DENND2B: variants seen among roughly 807,000 people sequenced by gnomAD.
DENND2B encodes DENN domain-containing protein 2B.
A neutral mutation model predicts 116.0 loss-of-function variants in DENND2B; 32 were observed. That is an observed-to-expected ratio of 0.28 (90% CI 0.21 to 0.37). The LOEUF (loss-of-function observed/expected upper bound fraction) is 0.37. Among genes scored for constraint, DENND2B ranks in the 10% least tolerant of loss-of-function variants. The pLI is 1.00. For missense variants in DENND2B, 1,276 were observed against 1,477.7 expected, an observed-to-expected ratio of 0.86 and a Z score of 2.24; for synonymous variants, 588 against 583.9, an observed-to-expected ratio of 1.01 and a Z score of -0.10.
intron 1 of DENND2B, among the ~76,000 whole-genome samples, chr11:8,763,089 A>G (rs2054981643): frequency 6.6e-6 from 1 of 152,224 alleles, no homozygotes; most frequent in African/African-American, 2.4e-5. Flanking sequence ...AGTAGAACAG[A>G]TACTTCACCA....
chr11:8,830,418 A>G (rs2062158392), intron 4 of DENND2B, among the ~76,000 whole-genome samples: 1 of 152,242 alleles, frequency 6.6e-6, no homozygotes, highest in South Asian at 2.1e-4. Context: ...CAACACAGTT[A>G]AGATCTTGGA....
rs1241489736 is a variant in DENND2B, at chr11:8,849,430, T to C, written c.-156+7913A>G. Among the ~76,000 whole-genome samples the C allele has an allele frequency of 2.4e-5, 3 of 126,702 alleles. No homozygotes were observed. The South Asian group carries it at 7.7e-4, about 33-fold the overall frequency. The allele number at this position is 126,702 out of a possible 152,430, so 83.1% of individuals were successfully genotyped here. A position where few individuals can be genotyped will look rare whatever the true frequency, so the allele number is the denominator to read the frequency against. ...ATCACCTGAACCTGGGAGGTGGAGG[T>C]TGCCATGAGCCGAGATCACACCATT... On this transcript the variant is annotated intron_variant, in intron 3 of 6. Coordinates refer to the DENND2B transcript ENST00000524757.
chr11:8,816,140 G>A (rs1254721442), intron 4 of DENND2B, among the ~76,000 whole-genome samples: 1 of 152,162 alleles, frequency 6.6e-6, no homozygotes, highest in African/African-American at 2.4e-5. Context: ...ATCTTAGAAT[G>A]CCTAAGAAAT....
chr11:8,897,102 T>TTA (rs1767133416), intron 1 of DENND2B, among the ~76,000 whole-genome samples: 2 of 150,460 alleles, frequency 1.3e-5, no homozygotes, highest in Non-Finnish European at 3.0e-5. Context: ...TTTTTTTTTT[T>TTA]AAAAACTAGC....
intron 2 of DENND2B, among the ~76,000 whole-genome samples, chr11:8,739,879 A>G (rs1464526841): frequency 1.3e-5 from 2 of 152,258 alleles, no homozygotes; most frequent in Non-Finnish European, 2.9e-5. Context: ...GGAAAGAGAA[A>G]TAAATTTAAA....
intron 1 of DENND2B, among the ~76,000 whole-genome samples, chr11:8,889,141 G>A (rs974127234): frequency 2.0e-5 from 3 of 152,174 alleles, no homozygotes; most frequent in Non-Finnish European, 4.4e-5. Context: ...GTTCATAGCA[G>A]CATTATTTGC....
At position 8,801,865 on chromosome 11, in the gene DENND2B, G is replaced by A. The variant is rs562665563; in HGVS notation, c.-26+8652C>T. ...AAAAAATTATAAAAATCAGCCAGGT[G>A]TGGTGCACATTTGTTACTCCAGAGG... On this transcript the variant is annotated intron_variant, in intron 1 of 19. Transcript: ENST00000313726. Among the ~76,000 whole-genome samples, 24 of 151,730 alleles carry A rather than the reference G, an allele frequency of 1.6e-4. 1 individual carries two copies. Among genetic ancestry groups the A allele is most frequent in the Non-Finnish European group, 2.9e-4 (20 of 67,920 alleles).
rs2042857683 is a variant in DENND2B at position 8,707,704 on chromosome 11, A to G, written c.2430+73T>C. The G allele has an allele frequency of 6.8e-7, 1 of 1,464,900 alleles. No homozygotes were observed. The highest frequency in any genetic ancestry group is 1.4e-5 in the African/African-American group (1 of 71,550). 90.7% of individuals were successfully genotyped at this position (1,464,900 alleles called of 1,614,324 possible). A position where few individuals can be genotyped will look rare whatever the true frequency, so the allele number is the denominator to read the frequency against. On this transcript the variant is annotated intron_variant, in intron 12 of 19. Coordinates refer to ENST00000313726, the MANE Select transcript of DENND2B (RefSeq NM_213618.2). The surrounding 1 kb of genome is among the most constrained non-coding windows in gnomAD (Gnocchi z 4.8). ...ACAGTCACAGGTGGTTTTCTCATCTAAGCTGGCTGCAGATACTCCTGTGGG... is the reference window on the plus strand; with the variant it reads ...ACAGTCACAGGTGGTTTTCTCATCTGAGCTGGCTGCAGATACTCCTGTGGG...
intron 1 of DENND2B, among the ~76,000 whole-genome samples, chr11:8,793,378 A>G (rs944718164): frequency 6.6e-6 from 1 of 151,994 alleles, no homozygotes; most frequent in African/African-American, 2.4e-5. Context: ...CCTCTAATCT[A>G]TTTTCCTGTC....
intron 1 of DENND2B, among the ~76,000 whole-genome samples, chr11:8,903,889 C>CAAAAA (rs61317026): frequency 1.1e-3 from 86 of 75,338 alleles, no homozygotes; most frequent in Middle Eastern, 7.5e-3. Context: ...GACCTTGTCT[C>CAAAAA]AAAAAAAAAA....
intron 4 of DENND2B, among the ~76,000 whole-genome samples, chr11:8,824,853 A>ATTTTTTTTTT (rs371924172): frequency 2.3e-5 from 3 of 130,236 alleles, no homozygotes; most frequent in Non-Finnish European, 3.2e-5. Flanking sequence ...ACACCCAGCT[A>ATTTTTTTTTT]TTTTTTTTTT....
chr11:8,829,232 T>A (rs1299696112), intron 4 of DENND2B, among the ~76,000 whole-genome samples: 1 of 151,878 alleles, frequency 6.6e-6, no homozygotes, highest in Non-Finnish European at 1.5e-5. Context: ...GCATATGTTG[T>A]AAGAGGAGGT....
chr11:8,775,464 T>G (rs916486777), intron 1 of DENND2B, among the ~76,000 whole-genome samples: 2 of 152,090 alleles, frequency 1.3e-5, no homozygotes, highest in Non-Finnish European at 2.9e-5. Flanking sequence ...ACTGACAGGT[T>G]GTAACCCCTC....
At position 8,879,861 on chromosome 11, in the gene DENND2B, T is replaced by C. The variant is rs139788394; in HGVS notation, c.-156+1149A>G. Among the ~76,000 whole-genome samples the C allele has an allele frequency of 1.2e-3, 176 of 152,326 alleles. 1 individual carries two copies. Among genetic ancestry groups the C allele is most frequent in the African/African-American group, 4.0e-3 (165 of 41,572 alleles). On this transcript the variant is annotated intron_variant, in intron 2 of 22. Transcript: ENST00000534127. ...TCAGTCAGAGATGACCAAATTCACA[T>C]GCTTAGTGAATTCAAATAAGCATTC... is the stretch of plus-strand genomic sequence containing the variant.
rs1555092981 is a variant in DENND2B at position 8,698,166 on chromosome 11, A to AAAAAAG, written c.2941-531_2941-530insCTTTTT. Among the ~76,000 whole-genome samples, 214 of 129,414 alleles carry AAAAAAG rather than the reference A, an allele frequency of 1.7e-3. 2 individuals carry two copies. Among genetic ancestry groups the AAAAAAG allele is most frequent in the South Asian group, 3.7e-3 (14 of 3,802 alleles). 84.9% of individuals were successfully genotyped at this position (129,414 alleles called of 152,430 possible). A position where few individuals can be genotyped will look rare whatever the true frequency, so the allele number is the denominator to read the frequency against. On this transcript the variant is annotated intron_variant, in intron 16 of 19. Coordinates refer to ENST00000313726, the MANE Select transcript of DENND2B (RefSeq NM_213618.2). ...AAAAAAAAAAAAAAAAAAAAAAAAA[A>AAAAAAG]GGGGGTAGAGCCAGTGTGGCATTCA...
intron 9 of DENND2B, 88 bp from the exon 10 acceptor site, chr11:8,711,319 G>A (rs764845297): frequency 3.1e-5 from 35 of 1,119,306 alleles, no homozygotes; most frequent in Non-Finnish European, 4.4e-5. Flanking sequence ...GAGGGCCCTA[G>A]ATGCCACTGA....
At chr11:8,724,629 G>A (rs373339628) in intron 4 of DENND2B, among the ~76,000 whole-genome samples, 5 of 152,348 alleles carry the variant, frequency 3.3e-5, no homozygotes, top group East Asian at 1.9e-4. Flanking sequence ...GTGAACACAA[G>A]TTTGCCAATA....
At position 8,693,733 on chromosome 11, in the gene DENND2B, C is replaced by T. The variant is rs1440923299; in HGVS notation, c.*363G>A. On this transcript the variant is annotated 3_prime_UTR_variant, in exon 20 of 20. Coordinates refer to ENST00000313726, the MANE Select transcript of DENND2B (RefSeq NM_213618.2). ...GGGGACCTCAGGCAGGCAGGCAGGC[C>T]GAAGGCCTCCAGGGAAGATCAGTGG... is the stretch of plus-strand genomic sequence containing the variant. 1.0e-5 allele frequency: 2 copies of T among 192,648 alleles called. No homozygotes were observed. The highest frequency in any genetic ancestry group is 1.3e-4 in the East Asian group (1 of 7,972). 11.9% of individuals were successfully genotyped at this position (192,648 alleles called of 1,614,324 possible). A position where few individuals can be genotyped will look rare whatever the true frequency, so the allele number is the denominator to read the frequency against.
chr11:8,699,494 A>C, intron 14 of DENND2B, 104 bp from the exon 15 acceptor site: 1 of 1,188,590 alleles, frequency 8.4e-7, no homozygotes, highest in African/African-American at 1.6e-5. Context: ...CCAGTGCAAC[A>C]AAAATGCTAA....
Sources: allele counts gnomAD v4.1 joint callset (sites outside exome capture counted in the v4.1 genomes callset), GRCh38; gene constraint gnomAD v4.1.1; non-coding constraint Gnocchi (gnomAD v3.1); transcripts MANE v1.5; gene names NCBI Gene and HGNC (gene_info 2026-07-23, HGNC 2026-07-21).